NT5C2: variants seen among roughly 807,000 people sequenced by gnomAD.
NT5C2 encodes the protein cytosolic purine 5'-nucleotidase.
NT5C2 carries 58 observed loss-of-function variants against 76.1 expected under a neutral mutation model. The ratio of observed to expected loss-of-function variants is 0.76; its 90% CI spans 0.62 to 0.95. NT5C2 has a LOEUF of 0.95. NT5C2 is among the 40% of genes least tolerant of loss of function. The pLI, the probability that NT5C2 is intolerant of heterozygous loss-of-function variation, is 0.00. For missense variants in NT5C2, 478 were observed against 690.3 expected, an observed-to-expected ratio of 0.69 and a Z score of 3.45; for synonymous variants, 229 against 237.4, an observed-to-expected ratio of 0.96 and a Z score of 0.32.
At chr10:103,131,930 A>G (rs1193000399) in intron 4 of NT5C2, among the ~76,000 whole-genome samples, 2 of 151,436 alleles carry the variant, frequency 1.3e-5, no homozygotes, top group African/African-American at 2.4e-5. Flanking sequence ...TCAAAAGAGA[A>G]AAAAAAAATT....
In NT5C2 at chr10:103,117,845, T is replaced by C. The variant is rs76907037; in HGVS notation, c.176-11139A>G. ...GTTCCTCAACAGGTGATGAATTTAA[T>C]TGAGGTGAGGGTTATTCGGAGCAAC... On this transcript the variant is annotated intron_variant, in intron 4 of 18. Transcript: ENST00000404739. 5.3e-3 allele frequency among the ~76,000 whole-genome samples: 806 copies of C among 152,230 alleles called. 29 individuals carry two copies. The highest frequency in any genetic ancestry group is 0.043 in the Admixed American group (656 of 15,284).
chr10:103,120,437 T>C (rs1417264470), intron 4 of NT5C2, among the ~76,000 whole-genome samples: 1 of 152,210 alleles, frequency 6.6e-6, no homozygotes, highest in Non-Finnish European at 1.5e-5. Flanking sequence ...GCAGAATGTG[T>C]AACTCCACAG....
At chr10:103,146,429 C>T (rs1240980165) in intron 3 of NT5C2, 1 of 985,198 alleles carries the variant, frequency 1.0e-6, no homozygotes, top group East Asian at 1.1e-4. Context: ...CATCTGTTTT[C>T]CTTATGGGCT....
intron 2 of NT5C2, among the ~76,000 whole-genome samples, chr10:103,177,513 T>C (rs917361183): frequency 1.3e-5 from 2 of 152,182 alleles, no homozygotes; most frequent in Admixed American, 1.3e-4. Flanking sequence ...GAAGTCAATA[T>C]ATACCTCCCT....
chr10:103,094,120 C>A, intron 13 of NT5C2, 82 bp from the exon 14 acceptor site: 2 of 1,081,880 alleles, frequency 1.8e-6, no homozygotes, highest in Non-Finnish European at 2.8e-6. Context: ...CCATCCCACC[C>A]CCCACCACCA....
At chr10:103,183,277 A>ATTATATATATATATTT (rs1439401303) in intron 1 of NT5C2, among the ~76,000 whole-genome samples, 10 of 125,898 alleles carry the variant, frequency 7.9e-5, no homozygotes, top group Admixed American at 3.0e-4. Flanking sequence ...ATATATATAT[A>ATTATATATATATATTT]TATATATATA....
intron 3 of NT5C2, among the ~76,000 whole-genome samples, chr10:103,154,147 G>A (rs1470386418): frequency 2.6e-5 from 4 of 152,028 alleles, no homozygotes; most frequent in Admixed American, 2.6e-4. Context: ...ATGCAACAGG[G>A]GAAGAAATAA....
Position 103,105,738 on chromosome 10 carries a change from C to T in NT5C2, c.357G>A (p.Leu119=). 6.2e-7 allele frequency: 1 copy of T among 1,613,194 alleles called. No homozygotes were observed. The highest frequency in any genetic ancestry group is 8.5e-7 in the Non-Finnish European group (1 of 1,179,380). ...LLKVDAYGNL[L]VCAHGFNFIR... is the part of the protein sequence containing the mutation. The stretch of plus-strand genomic sequence containing the variant: ...TAAAGTTAAATCCATGTGCACAGAC[C>T]AAGAGGTTTCCATAGGCATCGACTT... The change falls in exon 6 of 19, where the codon TTG becomes TTA. Residue 119 remains leucine, a synonymous_variant. Transcript: ENST00000404739.
intron 3 of NT5C2, among the ~76,000 whole-genome samples, chr10:103,165,231 C>T (rs954217476): frequency 6.6e-6 from 1 of 152,110 alleles, no homozygotes; most frequent in African/African-American, 2.4e-5. Flanking sequence ...CAATGGCTCA[C>T]GCCTGTAATC....
chr10:103,144,281 T>G (rs1385966889), intron 3 of NT5C2, among the ~76,000 whole-genome samples: 1 of 152,202 alleles, frequency 6.6e-6, no homozygotes, highest in African/African-American at 2.4e-5. Context: ...GGATTGGGGA[T>G]GATTTTTTCC....
intron 2 of NT5C2, among the ~76,000 whole-genome samples, chr10:103,176,664 T>A (rs1460908527): frequency 1.3e-5 from 2 of 152,172 alleles, no homozygotes; most frequent in African/African-American, 4.8e-5. Flanking sequence ...CCCTAGTAGC[T>A]GGGACCACAG....
chr10:103,186,341 A>G (rs889656693), intron 1 of NT5C2, among the ~76,000 whole-genome samples: 2 of 152,244 alleles, frequency 1.3e-5, no homozygotes, highest in Non-Finnish European at 2.9e-5. Context: ...ATGTTTGAAT[A>G]CTTGAAGCCT....
At chr10:103,192,249 G>A (rs905969306) in intron 1 of NT5C2, among the ~76,000 whole-genome samples, 1 of 152,140 alleles carries the variant, frequency 6.6e-6, no homozygotes, top group South Asian at 2.1e-4. Context: ...GCTCAATCCT[G>A]AAGAACTCAT....
intron 6 of NT5C2, among the ~76,000 whole-genome samples, chr10:103,105,002 A>G (rs1328240231): frequency 6.6e-6 from 1 of 152,236 alleles, no homozygotes; most frequent in African/African-American, 2.4e-5. Context: ...CAGTAAAGCT[A>G]TAGCTACAGA....
At chr10:103,145,135 T>C (rs976433265) in intron 3 of NT5C2, among the ~76,000 whole-genome samples, 6 of 152,190 alleles carry the variant, frequency 3.9e-5, no homozygotes, top group Non-Finnish European at 5.9e-5. Context: ...AGCTGTATTA[T>C]AGAGAACTGC....
At chr10:103,128,153 C>T (rs1444401336) in intron 4 of NT5C2, among the ~76,000 whole-genome samples, 9 of 149,318 alleles carry the variant, frequency 6.0e-5, no homozygotes, top group South Asian at 2.2e-4. Flanking sequence ...CTGCTGCCAT[C>T]TCGGCTCACT....
At chr10:103,180,508 G>A (rs1235424294) in intron 2 of NT5C2, among the ~76,000 whole-genome samples, 1 of 152,162 alleles carries the variant, frequency 6.6e-6, no homozygotes, top group East Asian at 1.9e-4. Flanking sequence ...AAGATGGGTG[G>A]ATTGCTTGAA....
At chr10:103,154,728 T>C (rs982818248) in intron 3 of NT5C2, among the ~76,000 whole-genome samples, 1 of 152,244 alleles carries the variant, frequency 6.6e-6, no homozygotes, top group East Asian at 1.9e-4. Flanking sequence ...CTCATTAATA[T>C]ATCTCATGGG....
intron 9 of NT5C2, among the ~76,000 whole-genome samples, chr10:103,099,589 T>C (rs2069045297): frequency 6.6e-6 from 1 of 152,228 alleles, no homozygotes; most frequent in Non-Finnish European, 1.5e-5. Context: ...TTAATGTTAT[T>C]AGTCGGGTGG....
Sources: allele counts gnomAD v4.1 joint callset (sites outside exome capture counted in the v4.1 genomes callset), GRCh38; gene constraint gnomAD v4.1.1; transcripts MANE v1.5; gene names NCBI Gene and HGNC (gene_info 2026-07-23, HGNC 2026-07-21).